The following PHACTR1 variants were observed in gnomAD, a reference collection of about 807,000 sequenced individuals.
The protein encoded by PHACTR1 is RPEL repeat containing 1.
Under a neutral mutation model 69.2 loss-of-function variants are expected in PHACTR1, and 16 were observed. The ratio of observed to expected loss-of-function variants is 0.23; its 90% CI spans 0.16 to 0.35. PHACTR1 has a LOEUF of 0.35. PHACTR1 is among the 10% of genes least tolerant of loss of function. The pLI is 1.00. For missense variants in PHACTR1, 510 were observed against 734.7 expected (o/e 0.69, Z 3.54); for synonymous variants, 312 against 284.5 (o/e 1.10, Z -0.97).
chr6:13,008,650 C>A (rs1799101240), intron 4 of PHACTR1, among the ~76,000 whole-genome samples: 1 of 152,122 alleles, frequency 6.6e-6, no homozygotes, highest in South Asian at 2.1e-4. Flanking sequence ...ACAACAACAA[C>A]AACACACACA....
chr6:12,789,630 T>A (rs1247976940), intron 4 of PHACTR1, among the ~76,000 whole-genome samples: 1 of 152,130 alleles, frequency 6.6e-6, no homozygotes, highest in Admixed American at 6.6e-5. Context: ...GGACTCTTCA[T>A]TCCCACCATA....
At chr6:12,983,422 A>G (rs1795753579) in intron 4 of PHACTR1, among the ~76,000 whole-genome samples, 1 of 152,256 alleles carries the variant, frequency 6.6e-6, no homozygotes, top group Admixed American at 6.5e-5. Flanking sequence ...AGACAAAAAT[A>G]ATTACAAAAG....
chr6:12,848,554 A>G (rs1025094563), intron 4 of PHACTR1, among the ~76,000 whole-genome samples: 3 of 152,240 alleles, frequency 2.0e-5, no homozygotes, highest in Admixed American at 2.0e-4. Context: ...GGCATTTGAT[A>G]AAAGGTTTCT....
rs974890069 is a variant in PHACTR1, at chr6:13,227,671, C to T, written c.987-145C>T. ...CACCGTGCCGTCTTAAAGTGATTCC[C>T]TGTAAGATGAGCAATGGAACTTTAC... On this transcript the variant is annotated intron_variant, in intron 8 of 14. Transcript: ENST00000332995. The T allele has an allele frequency of 7.3e-6, 8 of 1,095,406 alleles. No homozygotes were observed. The African/African-American group carries it at 9.4e-5, about 13-fold the overall frequency. 67.9% of individuals were successfully genotyped at this position (1,095,406 alleles called of 1,614,324 possible).
At chr6:12,968,381 C>A (rs1188171977) in intron 4 of PHACTR1, among the ~76,000 whole-genome samples, 2 of 152,032 alleles carry the variant, frequency 1.3e-5, no homozygotes, top group East Asian at 3.8e-4. Flanking sequence ...AATTTTTTTT[C>A]ATGGCAAAAT....
At chr6:13,251,788 A>AATC (rs1199295139) in intron 10 of PHACTR1, among the ~76,000 whole-genome samples, 48 of 144,032 alleles carry the variant, frequency 3.3e-4, no homozygotes, top group African/African-American at 1.3e-3. Context: ...AAATCATTTA[A>AATC]ATTTATATAT....
At chr6:13,058,070 C>A (rs1204477431) in intron 5 of PHACTR1, among the ~76,000 whole-genome samples, 1 of 152,170 alleles carries the variant, frequency 6.6e-6, no homozygotes, top group East Asian at 1.9e-4. Context: ...GGCTTGTGAA[C>A]CTATGAGCCT....
At chr6:13,164,582 A>G (rs1015538795) in intron 6 of PHACTR1, among the ~76,000 whole-genome samples, 3 of 152,222 alleles carry the variant, frequency 2.0e-5, no homozygotes, top group Non-Finnish European at 2.9e-5. Context: ...GCACGATACT[A>G]CTAATGTGGT....
rs567518983 is a variant in PHACTR1 at position 13,083,033 on chromosome 6, G to A, written c.415+29504G>A. Among the ~76,000 whole-genome samples the A allele has an allele frequency of 1.6e-3, 245 of 152,292 alleles. 1 individual carries two copies. The highest frequency in any genetic ancestry group is 5.6e-3 in the African/African-American group (234 of 41,556). ...AAGTCCTTGCCCATGTCTATGTCCT[G>A]AATGGTATTGCCTAGGTTTTCTTCT... On this transcript the variant is annotated intron_variant, in intron 5 of 14. Coordinates refer to ENST00000332995, the MANE Select transcript of PHACTR1 (RefSeq NM_030948.6).
chr6:13,196,309 A>G (rs1448697580), intron 7 of PHACTR1, among the ~76,000 whole-genome samples: 2 of 152,128 alleles, frequency 1.3e-5, no homozygotes, highest in African/African-American at 2.4e-5. Context: ...TTATTCTAGG[A>G]TCTTTAGAGG....
chr6:12,976,154 C>A (rs976332410), intron 4 of PHACTR1, among the ~76,000 whole-genome samples: 1 of 152,164 alleles, frequency 6.6e-6, no homozygotes, highest in African/African-American at 2.4e-5. Context: ...CCAAGGAATT[C>A]TAAGCTTCAA....
At chr6:12,803,211 A>G (rs1007046897) in intron 4 of PHACTR1, among the ~76,000 whole-genome samples, 3 of 152,088 alleles carry the variant, frequency 2.0e-5, no homozygotes, top group Non-Finnish European at 4.4e-5. Context: ...TGAAAGTTCT[A>G]TGTGTCAACC....
chr6:13,131,110 C>A lies in PHACTR1; in HGVS notation c.416-29094C>A, dbSNP rs540329191. Among the ~76,000 whole-genome samples, 15 of 151,696 alleles carry A rather than the reference C, an allele frequency of 9.9e-5. No individual in the cohort carries two copies. In the South Asian group the frequency reaches 2.9e-3, roughly 30 times the overall value. ...AAGCATTTGACAAATTCCAGCATCC[C>A]TTTATGATCAAAACTACCATATATA... is the stretch of plus-strand genomic sequence containing the variant. On this transcript the variant is annotated intron_variant, in intron 5 of 14. Transcript: ENST00000332995.
At chr6:13,124,231 A>T (rs964811892) in intron 5 of PHACTR1, among the ~76,000 whole-genome samples, 1 of 152,196 alleles carries the variant, frequency 6.6e-6, no homozygotes, top group Non-Finnish European at 1.5e-5. Flanking sequence ...AGAGTGATGC[A>T]TCCCACCCGA....
rs1170090142 is a variant in PHACTR1 at position 12,795,337 on chromosome 6, G to A, written c.250+45547G>A. Among the ~76,000 whole-genome samples, 3 of 152,280 alleles carry A rather than the reference G, an allele frequency of 2.0e-5. No individual in the cohort carries two copies. The East Asian group carries it at 5.8e-4, about 29-fold the overall frequency. On this transcript the variant is annotated intron_variant, in intron 4 of 14. Transcript: ENST00000332995. ...CCCACATTGAAGTTGCCCTTCTCGGGTAACTAGCTGTGTCAATTAAGGATG... is the reference window on the plus strand; with the variant it reads ...CCCACATTGAAGTTGCCCTTCTCGGATAACTAGCTGTGTCAATTAAGGATG...
chr6:13,273,045 T>G, intron 11 of PHACTR1, 130 bp downstream of exon 11: 1 of 1,336,352 alleles, frequency 7.5e-7, no homozygotes, highest in East Asian at 2.3e-5. Flanking sequence ...CGGTTGAAGC[T>G]TCATGTGTGC....
In PHACTR1 at chr6:13,075,840, C is replaced by A. The variant is rs149719424; in HGVS notation, c.415+22311C>A. On this transcript the variant is annotated intron_variant, in intron 5 of 14. Coordinates refer to ENST00000332995, the MANE Select transcript of PHACTR1 (RefSeq NM_030948.6). ...TATGCCAAATGATCTTTCTGCCCTC[C>A]GACTCCCTGCAGCAAGCTTGGAAAA... Among the ~76,000 whole-genome samples the A allele has an allele frequency of 1.1e-3, 170 of 152,132 alleles. 3 individuals are homozygous for A. Among genetic ancestry groups the A allele is most frequent in the African/African-American group, 4.1e-3 (169 of 41,492 alleles).
At chr6:12,923,523 T>C (rs959547223) in intron 4 of PHACTR1, among the ~76,000 whole-genome samples, 1 of 152,234 alleles carries the variant, frequency 6.6e-6, no homozygotes, top group Non-Finnish European at 1.5e-5. Flanking sequence ...ATTTGCTAAA[T>C]TTTTTGAGAA....
At position 13,111,933 on chromosome 6, in the gene PHACTR1, C is replaced by A. The variant is rs1817106472; in HGVS notation, c.416-48271C>A. On this transcript the variant is annotated intron_variant, in intron 5 of 14. Transcript: ENST00000332995. ...TGTACAGATTTGTTATATAGGTAAA[C>A]TTGTGTCATGGGGGTTCTTTGTACG... Among the ~76,000 whole-genome samples the A allele has an allele frequency of 2.0e-5, 3 of 152,000 alleles. No homozygotes were observed. In the South Asian group the frequency reaches 6.2e-4, roughly 31 times the overall value.
Sources: gnomAD v4.1 joint callset for allele counts (sites outside exome capture counted in the v4.1 genomes callset) on GRCh38, gnomAD v4.1.1 for gene constraint, MANE v1.5 for transcripts, NCBI Gene and HGNC (gene_info 2026-07-23, HGNC 2026-07-21) for gene names.